Variants in AGBL4 observed in about 807,000 individuals in gnomAD.
The protein encoded by AGBL4 is cytosolic carboxypeptidase 6.
AGBL4 carries 58 observed loss-of-function variants against 66.4 expected under a neutral mutation model. That is an observed-to-expected ratio of 0.87 (90% CI 0.71 to 1.09). The LOEUF is 1.09. Among genes scored for constraint, AGBL4 ranks in the 50% least tolerant of loss-of-function variants. The pLI is 0.00. For synonymous variants in AGBL4, 234 were observed against 222.9 expected (o/e 1.05, Z -0.44); for missense variants, 579 against 631.0 (o/e 0.92, Z 0.88).
intron 6 of AGBL4, 76 bp from the exon 7 acceptor site, chr1:48,663,317 AC>A: frequency 7.2e-7 from 1 of 1,384,670 alleles, no homozygotes; most frequent in Non-Finnish European, 1.0e-6. Flanking sequence ...GTGGCAGGGA[AC>A]CCCAGAGGGA....
At chr1:49,079,538 G>T (rs1248006874) in intron 4 of AGBL4, among the ~76,000 whole-genome samples, 1 of 152,096 alleles carries the variant, frequency 6.6e-6, no homozygotes, top group Non-Finnish European at 1.5e-5. Flanking sequence ...CCACCCCCAT[G>T]ATCCAATCAC....
chr1:49,080,873 G>A (rs1336322195), intron 4 of AGBL4, among the ~76,000 whole-genome samples: 1 of 152,050 alleles, frequency 6.6e-6, no homozygotes, highest in Non-Finnish European at 1.5e-5. Flanking sequence ...CAACTTTTCT[G>A]AAAATTCCTT....
At chr1:49,319,348 G>C (rs751752788) in intron 3 of AGBL4, among the ~76,000 whole-genome samples, 1 of 152,098 alleles carries the variant, frequency 6.6e-6, no homozygotes, top group Non-Finnish European at 1.5e-5. Context: ...AAATAGGTAT[G>C]GTTGTGAGAA....
chr1:48,657,093 C>T (rs1383555150), intron 7 of AGBL4, among the ~76,000 whole-genome samples: 2 of 152,238 alleles, frequency 1.3e-5, no homozygotes, highest in African/African-American at 4.8e-5. Context: ...TGGTTAAAAG[C>T]GCAGACCCTG....
At chr1:50,010,331 T>C (rs919910113) in intron 1 of AGBL4, among the ~76,000 whole-genome samples, 1 of 151,928 alleles carries the variant, frequency 6.6e-6, no homozygotes, top group African/African-American at 2.4e-5. Flanking sequence ...TCAACATTCA[T>C]GGATTGGAAG....
rs182767077 is a variant in AGBL4, at chr1:48,898,360, T to C, written c.595-31130A>G. The stretch of plus-strand genomic sequence containing the variant: ...TGTTGTCTGTGCTTTTGAGGTCTTA[T>C]ACAAAGAAAATCTTTTGCCCAGACC... On this transcript the variant is annotated intron_variant, in intron 5 of 13. Coordinates refer to ENST00000371839, the MANE Select transcript of AGBL4 (RefSeq NM_032785.4). Among the ~76,000 whole-genome samples, 299 of 152,324 alleles carry C rather than the reference T, an allele frequency of 2.0e-3. 1 individual carries two copies. Among genetic ancestry groups the C allele is most frequent in the African/African-American group, 6.9e-3 (285 of 41,576 alleles).
chr1:49,314,605 C>T (rs1474371680), intron 3 of AGBL4, among the ~76,000 whole-genome samples: 1 of 152,072 alleles, frequency 6.6e-6, no homozygotes, highest in Non-Finnish European at 1.5e-5. Context: ...GTATATGTGC[C>T]ACACTTTCTT....
chr1:48,863,360 TA>T (rs1422626106), intron 6 of AGBL4, among the ~76,000 whole-genome samples: 3 of 152,076 alleles, frequency 2.0e-5, no homozygotes, highest in Non-Finnish European at 4.4e-5. Context: ...AAGTGAATGA[TA>T]AACAGAAAAC....
intron 6 of AGBL4, chr1:48,776,877 G>C (rs1570645162): frequency 7.3e-7 from 1 of 1,367,022 alleles, no homozygotes. Context: ...CAGCCCGCGG[G>C]GCGGGCGCGG....
At chr1:48,801,647 G>A (rs930428434) in intron 6 of AGBL4, among the ~76,000 whole-genome samples, 4 of 152,190 alleles carry the variant, frequency 2.6e-5, no homozygotes, top group African/African-American at 9.7e-5. Flanking sequence ...CCCCAGTGGG[G>A]ATGTGTGTTT....
At chr1:49,503,198 G>T (rs1187302496) in intron 3 of AGBL4, among the ~76,000 whole-genome samples, 5 of 152,054 alleles carry the variant, frequency 3.3e-5, no homozygotes, top group Admixed American at 2.0e-4. Flanking sequence ...TCTTCAGAGG[G>T]TACAAGCCCC....
At chr1:49,145,032 C>T (rs1392201480) in intron 4 of AGBL4, among the ~76,000 whole-genome samples, 1 of 152,000 alleles carries the variant, frequency 6.6e-6, no homozygotes, top group Non-Finnish European at 1.5e-5. Flanking sequence ...CCAGCCTTAC[C>T]CCGGATCAGG....
intron 3 of AGBL4, among the ~76,000 whole-genome samples, chr1:49,467,546 C>T (rs888171810): frequency 7.9e-5 from 12 of 151,760 alleles, no homozygotes; most frequent in African/African-American, 2.7e-4. Context: ...GCACCATCCA[C>T]GTCAACTATG....
chr1:49,675,261 GC>G (rs897059640), intron 3 of AGBL4, among the ~76,000 whole-genome samples: 7 of 151,984 alleles, frequency 4.6e-5, no homozygotes, highest in African/African-American at 1.7e-4. Context: ...TCTTTCATGG[GC>G]CCCTTGCCAT....
At chr1:48,542,744 T>G (rs1265662895) in intron 11 of AGBL4, among the ~76,000 whole-genome samples, 1 of 152,216 alleles carries the variant, frequency 6.6e-6, no homozygotes, top group African/African-American at 2.4e-5. Context: ...ATTAGCCCTT[T>G]GTCAGATGGA....
At chr1:48,562,435 C>T (rs180841562) in intron 11 of AGBL4, among the ~76,000 whole-genome samples, 3 of 152,310 alleles carry the variant, frequency 2.0e-5, no homozygotes, top group Non-Finnish European at 2.9e-5. Context: ...CTTAACCTCC[C>T]TTTTAGACCC....
At chr1:49,564,561 T>C (rs1571051588) in intron 3 of AGBL4, among the ~76,000 whole-genome samples, 4 of 152,240 alleles carry the variant, frequency 2.6e-5, no homozygotes, top group Admixed American at 2.6e-4. Context: ...CATTTTGTTA[T>C]GTACCCAGTA....
chr1:48,774,014 G>A (rs1372359361), intron 6 of AGBL4, among the ~76,000 whole-genome samples: 1 of 152,210 alleles, frequency 6.6e-6, no homozygotes, highest in Admixed American at 6.5e-5. Flanking sequence ...GACATTTCCT[G>A]AGTATAAAAA....
At chr1:49,996,944 T>G (rs1239777370) in intron 1 of AGBL4, among the ~76,000 whole-genome samples, 2 of 152,182 alleles carry the variant, frequency 1.3e-5, no homozygotes, top group East Asian at 3.8e-4. Flanking sequence ...AGCCAAAAAT[T>G]TTGTATCCAG....
Sources: gnomAD v4.1 joint callset for allele counts (sites outside exome capture counted in the v4.1 genomes callset) on GRCh38, gnomAD v4.1.1 for gene constraint, MANE v1.5 for transcripts, NCBI Gene and HGNC (gene_info 2026-07-23, HGNC 2026-07-21) for gene names.